The following ADCY5 variants were observed in gnomAD, a reference collection of about 807,000 sequenced individuals.
ADCY5 encodes the protein adenylate cyclase type 5.
A neutral mutation model predicts 119.7 loss-of-function variants in ADCY5; 30 were observed. That is an observed-to-expected ratio of 0.25 (90% confidence interval 0.19 to 0.34). ADCY5 has a LOEUF of 0.34. ADCY5 is among the 10% of genes least tolerant of loss of function. The probability of loss-of-function intolerance (pLI) is 1.00; values close to 1 mark genes in which losing one functional copy is unlikely to be tolerated. For missense variants in ADCY5, 1,324 were observed against 1,775.2 expected, an observed-to-expected ratio of 0.75 and a Z score of 4.57; for synonymous variants, 753 against 762.2, an observed-to-expected ratio of 0.99 and a Z score of 0.20.
At chr3:123,389,088 T>C (rs1944323394) in intron 1 of ADCY5, among the ~76,000 whole-genome samples, 1 of 152,058 alleles carries the variant, frequency 6.6e-6, no homozygotes, top group Non-Finnish European at 1.5e-5. Flanking sequence ...AGGGAATGCC[T>C]TGGGCAGGAG....
intron 3 of ADCY5, among the ~76,000 whole-genome samples, chr3:123,344,357 T>C (rs956543238): frequency 1.3e-5 from 2 of 152,210 alleles, no homozygotes; most frequent in Admixed American, 1.3e-4. Context: ...TCTTTGTTGA[T>C]ATGAGTGTGA....
chr3:123,381,463 C>T (rs755986112), intron 1 of ADCY5, among the ~76,000 whole-genome samples: 9 of 152,208 alleles, frequency 5.9e-5, no homozygotes, highest in East Asian at 1.9e-4. Context: ...TACACTTGCA[C>T]GACATTGACA....
At position 123,441,372 on chromosome 3, in the gene ADCY5, A is replaced by G. The variant is rs557411825; in HGVS notation, c.1134+6040T>C. ...CATCCAAACTTTCACCAAGCAGTCAATTTCCTCAGTAACAAGCCAAGGAGG... is the reference window on the plus strand; with the variant it reads ...CATCCAAACTTTCACCAAGCAGTCAGTTTCCTCAGTAACAAGCCAAGGAGG... On this transcript the variant is annotated intron_variant, in intron 1 of 20. Coordinates refer to ENST00000462833, the MANE Select transcript of ADCY5 (RefSeq NM_183357.3). 8.5e-5 allele frequency among the ~76,000 whole-genome samples: 13 copies of G among 152,250 alleles called. No individual in the cohort carries two copies. In the East Asian group the frequency reaches 1.9e-3, roughly 23 times the overall value.
intron 8 of ADCY5, among the ~76,000 whole-genome samples, chr3:123,322,087 C>T (rs1267926135): frequency 6.6e-6 from 1 of 152,210 alleles, no homozygotes; most frequent in Non-Finnish European, 1.5e-5. Context: ...CTCAAGTGAG[C>T]TCTCCCTCTG....
At position 123,283,435 on chromosome 3, in the gene ADCY5, C is replaced by A. The variant is rs1938501339; in HGVS notation, c.*1173G>T. 1 of 152,248 alleles carries A rather than the reference C, an allele frequency of 6.6e-6. No individual in the cohort carries two copies. The highest frequency in any genetic ancestry group is 1.5e-5 in the Non-Finnish European group (1 of 68,070). 9.4% of individuals were successfully genotyped at this position (152,248 alleles called of 1,614,324 possible). A position where few individuals can be genotyped will look rare whatever the true frequency, so the allele number is the denominator to read the frequency against. On this transcript the variant is annotated 3_prime_UTR_variant, in exon 21 of 21. Coordinates refer to ENST00000462833, the MANE Select transcript of ADCY5 (RefSeq NM_183357.3). ...GAAAGCAGCTTTTTGTTTTCTTATT[C>A]CATCTGCGTTTTGCTTAGGGGAAGG...
intron 1 of ADCY5, among the ~76,000 whole-genome samples, chr3:123,375,192 C>T (rs144334122): frequency 2.0e-4 from 31 of 152,340 alleles, no homozygotes; most frequent in African/African-American, 7.0e-4. Context: ...CGGCTCACTG[C>T]TGAGAAGTTC....
intron 8 of ADCY5, among the ~76,000 whole-genome samples, chr3:123,323,008 C>T (rs1229198378): frequency 1.3e-5 from 2 of 152,332 alleles, no homozygotes; most frequent in East Asian, 1.9e-4. Context: ...ATTCCAGGCA[C>T]GTTAGCATGG....
intron 1 of ADCY5, among the ~76,000 whole-genome samples, chr3:123,388,242 G>C (rs1318361112): frequency 2.6e-5 from 4 of 152,224 alleles, no homozygotes; most frequent in Admixed American, 6.5e-5. Context: ...AACCAGGGCA[G>C]GTTGGGAGGG....
At chr3:123,320,513 A>G (rs1304865229) in intron 9 of ADCY5, among the ~76,000 whole-genome samples, 2 of 152,208 alleles carry the variant, frequency 1.3e-5, no homozygotes, top group African/African-American at 4.8e-5. Context: ...CACGGAGATA[A>G]AATGGGCAGT....
Position 123,448,437 on chromosome 3 carries a change from A to C in ADCY5, c.109T>G (p.Ser37Ala), listed in dbSNP as rs908234617. The C allele has an allele frequency of 3.7e-6, 5 of 1,345,886 alleles. No homozygotes were observed. In the African/African-American group the frequency reaches 7.7e-5, roughly 21 times the overall value. 83.4% of individuals were successfully genotyped at this position (1,345,886 alleles called of 1,614,324 possible). The change falls in exon 1 of 21, where the codon TCC (serine) becomes GCC (alanine). Residue 37 changes from serine (S) to alanine (A), a missense_variant. Physicochemically the swap from Ser to Ala is moderately conservative, Grantham distance 99. Coordinates refer to ENST00000462833, the MANE Select transcript of ADCY5 (RefSeq NM_183357.3). ...EHRSAWGEAD[S>A]RANGYPHAPG... ...GCATGGGGGTAGCCATTCGCGCGGG[A>C]ATCGGCCTCGCCCCACGCAGAGCGG...
chr3:123,448,586 A>G lies in ADCY5; in HGVS notation c.-41T>C. 7.9e-7 allele frequency: 1 copy of G among 1,266,510 alleles called. No homozygotes were observed. Among genetic ancestry groups the G allele is most frequent in the Non-Finnish European group, 9.9e-7 (1 of 1,008,196 alleles). The allele number at this position is 1,266,510 out of a possible 1,614,324, so 78.5% of individuals were successfully genotyped here. A position where few individuals can be genotyped will look rare whatever the true frequency, so the allele number is the denominator to read the frequency against. On this transcript the variant is annotated 5_prime_UTR_variant, in exon 1 of 21. Transcript: ENST00000462833. The stretch of plus-strand genomic sequence containing the variant: ...GTCGTCTCCTTCCTCCTCCCCCGGA[A>G]GCCGGGCCGGGGGTCTCCAAGGGGA...
chr3:123,304,234 T>G, intron 12 of ADCY5, 51 bp from the exon 13 acceptor site: 1 of 1,200,546 alleles, frequency 8.3e-7, no homozygotes, highest in Non-Finnish European at 1.2e-6. Context: ...CGGAATAGCA[T>G]TCAGCAAGGA....
At chr3:123,437,646 C>G (rs1392907031) in intron 1 of ADCY5, among the ~76,000 whole-genome samples, 1 of 152,158 alleles carries the variant, frequency 6.6e-6, no homozygotes, top group Admixed American at 6.5e-5. Context: ...TCAATATAAG[C>G]TACAGGTTAT....
At chr3:123,317,699 C>T (rs1940989968) in intron 11 of ADCY5, among the ~76,000 whole-genome samples, 1 of 150,944 alleles carries the variant, frequency 6.6e-6, no homozygotes, top group Non-Finnish European at 1.5e-5. Flanking sequence ...CATGCCTCTG[C>T]ACTCCAGCCT....
At chr3:123,419,179 C>T (rs990192987) in intron 1 of ADCY5, 2 of 985,352 alleles carry the variant, frequency 2.0e-6, no homozygotes, top group African/African-American at 3.5e-5. Flanking sequence ...ATCCCCTCCC[C>T]TCATCATGAT....
chr3:123,433,422 C>A (rs1292782489), intron 1 of ADCY5, among the ~76,000 whole-genome samples: 1 of 152,174 alleles, frequency 6.6e-6, no homozygotes, highest in Non-Finnish European at 1.5e-5. Context: ...AGACTGGGGA[C>A]TAGGGCACAC....
rs545591446 is a variant in ADCY5 at position 123,293,093 on chromosome 3, G to A, written c.3064-1717C>T. ...TGCAGCCAACTACTTCTGGGGCTGC[G>A]CCCTGGCAGGGCAGGAAGGTTCGGG... On this transcript the variant is annotated intron_variant, in intron 17 of 20. Transcript: ENST00000462833. 1.0e-3 allele frequency among the ~76,000 whole-genome samples: 154 copies of A among 152,350 alleles called. 1 individual carries two copies. The highest frequency in any genetic ancestry group is 3.5e-3 in the Admixed American group (53 of 15,314).
intron 2 of ADCY5, among the ~76,000 whole-genome samples, chr3:123,348,603 G>A (rs993886675): frequency 6.6e-6 from 1 of 152,146 alleles, no homozygotes; most frequent in Non-Finnish European, 1.5e-5. Flanking sequence ...CCAGGAGAGT[G>A]GGAAAGCAAA....
chr3:123,322,949 C>T (rs1041889440), intron 8 of ADCY5, among the ~76,000 whole-genome samples: 17 of 152,316 alleles, frequency 1.1e-4, no homozygotes, highest in African/African-American at 2.6e-4. Flanking sequence ...ACTCATCCAG[C>T]GTGGGCAGCT....
Sources: allele counts gnomAD v4.1 joint callset (sites outside exome capture counted in the v4.1 genomes callset), GRCh38; gene constraint gnomAD v4.1.1; transcripts MANE v1.5; gene names NCBI Gene and HGNC (gene_info 2026-07-23, HGNC 2026-07-21).